The following TNN variants were observed in gnomAD, a reference collection of about 807,000 sequenced individuals.
The protein encoded by TNN is tenascin-N.
TNN carries 122 observed loss-of-function variants against 134.4 expected under a neutral mutation model. The observed-to-expected ratio is 0.91, with a 90% CI of 0.78 to 1.06. TNN has a LOEUF of 1.06. Ranked by LOEUF, TNN falls within the 50% of genes least tolerant of loss-of-function variation. The pLI, the probability that TNN is intolerant of heterozygous loss-of-function variation, is 0.00. For missense variants in TNN, 1,739 were observed against 1,699.4 expected (o/e 1.02, Z -0.41); for synonymous variants, 710 against 670.3 (o/e 1.06, Z -0.91).
chr1:175,098,321 T>A lies in TNN; in HGVS notation c.1856-11T>A, dbSNP rs760756186. On this transcript the variant is annotated splice_polypyrimidine_tract_variant and intron_variant, in intron 8 of 18. Coordinates refer to ENST00000239462, the MANE Select transcript of TNN (RefSeq NM_022093.2). The stretch of plus-strand genomic sequence containing the variant: ...TCAGAGCTTAAACCTTTCCAAACAT[T>A]TTCCTTCCAGATATTGACAGCCCCA... The A allele has an allele frequency of 2.5e-6, 4 of 1,614,060 alleles. No individual in the cohort carries two copies. Among genetic ancestry groups the A allele is most frequent in the Non-Finnish European group, 3.4e-6 (4 of 1,180,002 alleles).
chr1:175,136,921 TTTC>T lies in TNN; in HGVS notation c.3532_3534del (p.Phe1178del). 1 of 1,614,196 alleles carries T rather than the reference TTTC, an allele frequency of 6.2e-7. No individual in the cohort carries two copies. Among genetic ancestry groups the T allele is most frequent in the Non-Finnish European group, 8.5e-7 (1 of 1,180,026 alleles). ...ATGAATCTGCCTATGCTATATATGA[TTTC>T]TTCCAAGTGGCCTCCAGCAAGGAGC... On this transcript the variant is annotated inframe_deletion, in exon 17 of 19. Transcript: ENST00000239462.
At chr1:175,090,851 A>G (rs2227242) in intron 6 of TNN, among the ~76,000 whole-genome samples, 82,806 of 151,388 alleles carry the variant, frequency 0.55, 23,179 homozygotes, top group African/African-American at 0.69. Context: ...TTTACATCTC[A>G]TTGACCTTGA....
chr1:175,127,661 C>A (rs930328578), intron 13 of TNN, among the ~76,000 whole-genome samples: 2 of 152,210 alleles, frequency 1.3e-5, no homozygotes, highest in Non-Finnish European at 2.9e-5. Context: ...TTCACCTCCC[C>A]TATTAATTTC....
In TNN at chr1:175,144,585, G is replaced by C. The variant is rs761078082; in HGVS notation, c.3759+35G>C. The C allele has an allele frequency of 4.4e-6, 7 of 1,606,226 alleles. No individual in the cohort carries two copies. In the African/African-American group the frequency reaches 8.0e-5, roughly 18 times the overall value. On this transcript the variant is annotated intron_variant, in intron 18 of 18. Coordinates refer to ENST00000239462, the MANE Select transcript of TNN (RefSeq NM_022093.2). ...AGGTGAATGTCTTTTCTGTCCCAGG[G>C]TATGTCCATATTCAGCTTCCAAATG...
chr1:175,108,203 G>T (rs1473273203), intron 9 of TNN, among the ~76,000 whole-genome samples: 2 of 146,286 alleles, frequency 1.4e-5, no homozygotes, highest in Admixed American at 6.9e-5. Flanking sequence ...TGCTGGTTGG[G>T]GTATTTACAA....
chr1:175,080,373 G>C lies in TNN; in HGVS notation c.995G>C (p.Arg332Pro), dbSNP rs780402309. The C allele has an allele frequency of 3.1e-6, 5 of 1,614,042 alleles. No homozygotes were observed. In the South Asian group the frequency reaches 4.4e-5, roughly 14 times the overall value. ...LPGTKYIVTL[R>P]NVKNEVSSSP... ...GGAACCAAGTACATAGTCACCCTGC[G>C]TAACGTCAAGAATGAAGTTTCTAGC... Residue 332 changes from arginine (R) to proline (P), a missense_variant, in exon 4 of 19, where the codon CGT becomes CCT. Coordinates refer to ENST00000239462, the MANE Select transcript of TNN (RefSeq NM_022093.2).
In TNN at chr1:175,117,206, G is replaced by T. The variant is rs762946137; in HGVS notation, c.2386+1G>T. The stretch of plus-strand genomic sequence containing the variant: ...AAGGCTGACACCAAGGCCCAGACAG[G>T]TAAGGAGCATTGTTCTTTGGGAATA... On this transcript the variant is annotated splice_donor_variant, in intron 10 of 18. Coordinates refer to ENST00000239462, the MANE Select transcript of TNN (RefSeq NM_022093.2). LOFTEE classifies it high-confidence loss of function. 43 of 1,613,668 alleles carry T rather than the reference G, an allele frequency of 2.7e-5. No individual in the cohort carries two copies. The highest frequency in any genetic ancestry group is 3.6e-5 in the Non-Finnish European group (43 of 1,179,940).
Position 175,117,072 on chromosome 1 carries a change from G to A in TNN, c.2253G>A (p.Arg751=), listed in dbSNP as rs758857716. 9 of 1,614,280 alleles carry A rather than the reference G, an allele frequency of 5.6e-6. No individual in the cohort carries two copies. The highest frequency in any genetic ancestry group is 6.8e-6 in the Non-Finnish European group (8 of 1,180,052). Residue 751 remains arginine, a synonymous_variant, in exon 10 of 19, where the codon AGG becomes AGA. Transcript: ENST00000239462. ...CCTCTGCCAAGGACGGAGAGACCAG[G>A]GAGGTTCCGGTGGGGAAGGAGCAGA... ...RYTSAKDGET[R]EVPVGKEQSS... is the part of the protein sequence containing the mutation.
chr1:175,110,576 T>A lies in TNN; in HGVS notation c.2120-6363T>A, dbSNP rs189284236. Among the ~76,000 whole-genome samples, 4 of 152,384 alleles carry A rather than the reference T, an allele frequency of 2.6e-5. No homozygotes were observed. The East Asian group carries it at 7.7e-4, about 29-fold the overall frequency. On this transcript the variant is annotated intron_variant, in intron 9 of 18. Coordinates refer to ENST00000239462, the MANE Select transcript of TNN (RefSeq NM_022093.2). ...AGAAATAGAGGTCTAGTTTTATTCTTCTGCATATGGATATTCAATTTTCCT... is the reference window on the plus strand; with the variant it reads ...AGAAATAGAGGTCTAGTTTTATTCTACTGCATATGGATATTCAATTTTCCT...
Position 175,098,536 on chromosome 1 carries a change from A to C in TNN, c.2060A>C (p.His687Pro), listed in dbSNP as rs759202941. 17 of 1,614,064 alleles carry C rather than the reference A, an allele frequency of 1.1e-5. No individual in the cohort carries two copies. The Middle Eastern group carries it at 8.2e-4, about 78-fold the overall frequency. ...GLRPGMEYMV[H>P]VWAQKGDQES... is the part of the protein sequence containing the mutation. Reference sequence around the variant, plus strand: ...AGACCGGGTATGGAGTACATGGTGCACGTGTGGGCCCAGAAGGGGGACCAG... The same window carrying C: ...AGACCGGGTATGGAGTACATGGTGCCCGTGTGGGCCCAGAAGGGGGACCAG... The change falls in exon 9 of 19, where the codon CAC becomes CCC. Residue 687 changes from histidine (H) to proline (P), a missense_variant. By Grantham distance (77) the His-to-Pro change is moderately conservative. Transcript: ENST00000239462.
At chr1:175,096,387 A>G (rs1674570951) in intron 7 of TNN, among the ~76,000 whole-genome samples, 1 of 152,146 alleles carries the variant, frequency 6.6e-6, no homozygotes, top group South Asian at 2.1e-4. Context: ...GTGCTAAATC[A>G]TTTGTCCTCA....
intron 6 of TNN, among the ~76,000 whole-genome samples, chr1:175,086,894 G>A (rs1301498185): frequency 6.6e-6 from 1 of 152,296 alleles, no homozygotes; most frequent in African/African-American, 2.4e-5. Flanking sequence ...CTTACTGAGT[G>A]CCAGGCATTA....
intron 1 of TNN, among the ~76,000 whole-genome samples, chr1:175,072,926 C>CTTTTTTTTTTTTTTTT (rs60879960): frequency 2.1e-5 from 1 of 46,762 alleles, no homozygotes; most frequent in Non-Finnish European, 3.6e-5. Flanking sequence ...GAGTCCACGG[C>CTTTTTTTTTTTTTTTT]TTTTTTTTTT....
In TNN at chr1:175,083,812, T is replaced by C; in HGVS notation, c.1111T>C (p.Trp371Arg). Residue 371 changes from tryptophan to arginine, a missense_variant, in exon 5 of 19, where the codon TGG becomes CGG. By Grantham distance (101) the Trp-to-Arg change is moderately radical (BLOSUM62 -3). Transcript: ENST00000239462. The stretch of plus-strand genomic sequence containing the variant: ...GACTGAGAACTCCCTTGACGTGGAG[T>C]GGGAAAACCCCTCAACTGAGGTGGA... ...DETENSLDVE[W>R]ENPSTEVDYY... 1.9e-6 allele frequency: 3 copies of C among 1,613,964 alleles called. No homozygotes were observed. The highest frequency in any genetic ancestry group is 1.7e-6 in the Non-Finnish European group (2 of 1,179,978).
At chr1:175,068,117 G>A (rs141956547) in intron 1 of TNN, among the ~76,000 whole-genome samples, 182 bp downstream of exon 1, 2 of 152,166 alleles carry the variant, frequency 1.3e-5, no homozygotes, top group South Asian at 4.1e-4. Flanking sequence ...CTCAGGACCC[G>A]TGTACTGCAT....
intron 11 of TNN, among the ~76,000 whole-genome samples, chr1:175,122,920 C>T (rs937341016): frequency 6.6e-5 from 10 of 152,110 alleles, no homozygotes; most frequent in Non-Finnish European, 1.3e-4. Context: ...AAATTCAGAG[C>T]GAAGAGTCTT....
intron 6 of TNN, among the ~76,000 whole-genome samples, chr1:175,092,773 G>C (rs1038520374): frequency 1.3e-5 from 2 of 151,944 alleles, no homozygotes; most frequent in Non-Finnish European, 1.5e-5. Flanking sequence ...TCTATAAATG[G>C]CCACTCCATT....
intron 4 of TNN, 62 bp from the exon 5 acceptor site, chr1:175,083,688 C>T (rs1674253081): frequency 3.2e-5 from 48 of 1,523,402 alleles, no homozygotes; most frequent in Non-Finnish European, 4.0e-5. Flanking sequence ...AACAGCCTGT[C>T]ACAGAACCTT....
At chr1:175,146,894 C>T in intron 18 of TNN, 37 bp from the exon 19 acceptor site, 9 of 1,496,154 alleles carry the variant, frequency 6.0e-6, no homozygotes, top group Non-Finnish European at 7.1e-6. Flanking sequence ...CTCCTAAGAG[C>T]CTCTTCTTGA....
Sources: gnomAD v4.1 joint callset for allele counts (sites outside exome capture counted in the v4.1 genomes callset) on GRCh38, gnomAD v4.1.1 for gene constraint, MANE v1.5 for transcripts, NCBI Gene and HGNC (gene_info 2026-07-23, HGNC 2026-07-21) for gene names.